The following SLC17A1 variants were observed in gnomAD, a reference collection of about 807,000 sequenced individuals.
The protein encoded by SLC17A1 is solute carrier family 17 member 1.
In SLC17A1, 51 loss-of-function variants were observed where a neutral mutation model predicts 53.5. That is an observed-to-expected ratio of 0.95 (90% confidence interval 0.76 to 1.20). The LOEUF (loss-of-function observed/expected upper bound fraction) is 1.20. SLC17A1 is among the 50% of genes most tolerant of loss of function. The probability of loss-of-function intolerance (pLI) is 0.00; values close to 1 mark genes in which losing one functional copy is unlikely to be tolerated. For synonymous variants in SLC17A1, 179 were observed against 198.8 expected (o/e 0.90, Z 0.84); for missense variants, 538 against 568.2 (o/e 0.95, Z 0.54).
chr6:25,746,623 G>A, the SLC17A1 span, among the ~76,000 whole-genome samples: 1 of 152,124 alleles, frequency 6.6e-6, no homozygotes, highest in African/African-American at 2.4e-5. Flanking sequence ...ACCACCCTAT[G>A]CCTTGTTGTG....
At chr6:25,812,611 T>C (rs958135690) in intron 8 of SLC17A1, among the ~76,000 whole-genome samples, 1 of 152,154 alleles carries the variant, frequency 6.6e-6, no homozygotes, top group Non-Finnish European at 1.5e-5. Flanking sequence ...TATAGATGCA[T>C]GTGTGCTGTT....
chr6:25,770,100 G>C, the SLC17A1 span: 1 of 1,614,022 alleles, frequency 6.2e-7, no homozygotes, highest in Non-Finnish European at 8.5e-7. Context: ...TGAAATCCAG[G>C]GAATCATCCT....
the SLC17A1 span, chr6:25,776,752 G>A: frequency 6.2e-7 from 1 of 1,613,824 alleles, no homozygotes; most frequent in Non-Finnish European, 8.5e-7. Context: ...GGACACAGGG[G>A]TGAACGTGGG....
At chr6:25,745,323 A>G in the SLC17A1 span, among the ~76,000 whole-genome samples, 2 of 152,184 alleles carry the variant, frequency 1.3e-5, no homozygotes, top group African/African-American at 4.8e-5. Flanking sequence ...TTTTATTAAC[A>G]TATATATGTA....
At chr6:25,774,002 T>G in the SLC17A1 span, among the ~76,000 whole-genome samples, 2 of 152,180 alleles carry the variant, frequency 1.3e-5, no homozygotes, top group Non-Finnish European at 2.9e-5. Context: ...CATCAAAATT[T>G]GCAAACAAGA....
At chr6:25,775,968 C>A in the SLC17A1 span, among the ~76,000 whole-genome samples, 66 of 152,210 alleles carry the variant, frequency 4.3e-4, no homozygotes, top group Non-Finnish European at 7.8e-4. Flanking sequence ...GCAGTGAAAA[C>A]CTTGTTCATT....
the SLC17A1 span, among the ~76,000 whole-genome samples, chr6:25,734,847 T>A: frequency 1.3e-5 from 2 of 152,264 alleles, no homozygotes; most frequent in African/African-American, 2.4e-5. Flanking sequence ...ATGTTCTTGA[T>A]GATTAGACAA....
chr6:25,811,573 A>C (rs752922071), intron 9 of SLC17A1, 28 bp from the exon 10 acceptor site: 2 of 1,613,528 alleles, frequency 1.2e-6, no homozygotes, highest in African/African-American at 2.7e-5. Context: ...CAACATAGTC[A>C]GGTGCATCCT....
intron 5 of SLC17A1, 87 bp downstream of exon 5, chr6:25,819,424 A>C (rs1262054962): frequency 8.8e-7 from 1 of 1,130,562 alleles, no homozygotes; most frequent in African/African-American, 1.5e-5. Context: ...TGACCATTCA[A>C]AACACACATT....
the SLC17A1 span, chr6:25,725,995 G>A: frequency 1.3e-6 from 1 of 770,464 alleles, no homozygotes; most frequent in Non-Finnish European, 2.0e-6. Context: ...GGGCATTTGT[G>A]ACAGGCAAGT....
At chr6:25,815,759 G>C (rs1409021822) in intron 6 of SLC17A1, among the ~76,000 whole-genome samples, 1 of 152,062 alleles carries the variant, frequency 6.6e-6, no homozygotes. Context: ...CTTCCACCTG[G>C]AGAGCATATT....
chr6:25,770,037 A>G, the SLC17A1 span: 1 of 1,592,376 alleles, frequency 6.3e-7, no homozygotes, highest in Non-Finnish European at 8.6e-7. Context: ...CTTCAACTAA[A>G]GACAAACAGT....
the SLC17A1 span, chr6:25,726,879 C>G: frequency 6.3e-7 from 1 of 1,582,592 alleles, no homozygotes; most frequent in Non-Finnish European, 8.6e-7. Context: ...GGAAAAGAAC[C>G]GTGTAACGCT....
intron 3 of SLC17A1, among the ~76,000 whole-genome samples, chr6:25,820,879 C>G (rs921860904): frequency 8.7e-6 from 1 of 115,208 alleles, no homozygotes; most frequent in Non-Finnish European, 1.6e-5. Flanking sequence ...GTCTGGGCGA[C>G]AGAGTGAGAC....
intron 12 of SLC17A1, among the ~76,000 whole-genome samples, chr6:25,791,557 C>T (rs2151476048): frequency 6.6e-6 from 1 of 152,294 alleles, no homozygotes; most frequent in South Asian, 2.1e-4. Flanking sequence ...AATTCAAACA[C>T]TAGGAAAATG....
chr6:25,733,370 T>G, the SLC17A1 span, among the ~76,000 whole-genome samples: 1 of 152,096 alleles, frequency 6.6e-6, no homozygotes, highest in Non-Finnish European at 1.5e-5. Context: ...AGCACAACTC[T>G]TGTTGGGAGA....
At chr6:25,745,440 C>T in the SLC17A1 span, among the ~76,000 whole-genome samples, 2 of 152,108 alleles carry the variant, frequency 1.3e-5, no homozygotes, top group African/African-American at 2.4e-5. Context: ...ACAAACTATA[C>T]ATTTGAGAGA....
the SLC17A1 span, among the ~76,000 whole-genome samples, chr6:25,758,576 G>A: frequency 5.9e-5 from 9 of 152,192 alleles, no homozygotes; most frequent in African/African-American, 1.4e-4. Flanking sequence ...GTTTACACAC[G>A]TAAAGGTGTT....
chr6:25,814,429 C>T (rs568695581), intron 6 of SLC17A1, among the ~76,000 whole-genome samples: 1 of 152,218 alleles, frequency 6.6e-6, no homozygotes, highest in Non-Finnish European at 1.5e-5. Context: ...CAAACTGAGA[C>T]TCAGAAAGAT....
Sources: allele counts gnomAD v4.1 joint callset (sites outside exome capture counted in the v4.1 genomes callset), GRCh38; gene constraint gnomAD v4.1.1; transcripts MANE v1.5; gene names NCBI Gene and HGNC (gene_info 2026-07-23, HGNC 2026-07-21).